ZNF684: variants seen among roughly 807,000 people sequenced by gnomAD.
ZNF684 encodes the protein zinc finger protein 684, also known as hypothetical protein MGC27466.
In ZNF684, 13 loss-of-function variants were observed where a neutral mutation model predicts 12.8. The observed-to-expected ratio is 1.02, with a 90% CI of 0.66 to 1.62. The LOEUF is 1.62. Ranked by LOEUF, ZNF684 falls within the 40% of genes most tolerant of loss-of-function variation. The probability of loss-of-function intolerance (pLI) is 0.00; values close to 1 mark genes in which losing one functional copy is unlikely to be tolerated. For missense variants in ZNF684, 384 were observed against 446.9 expected (o/e 0.86, Z 1.27); for synonymous variants, 118 against 151.8 (o/e 0.78, Z 1.64).
chr1:40,547,449 A>G lies in ZNF684; in HGVS notation c.1126A>G (p.Ile376Val). 1 of 1,599,818 alleles carries G rather than the reference A, an allele frequency of 6.3e-7. No individual in the cohort carries two copies. The highest frequency in any genetic ancestry group is 8.5e-7 in the Non-Finnish European group (1 of 1,171,908). The change falls in exon 5 of 5, where the codon ATT (isoleucine) becomes GTT (valine). Residue 376 changes from isoleucine to valine, a missense_variant. Coordinates refer to ENST00000372699, the MANE Select transcript of ZNF684 (RefSeq NM_152373.4). ...GTCAAATCTTATTGTACATCAGAAA[A>G]TTCATACATAATATTCACTTTATGA... is the stretch of plus-strand genomic sequence containing the variant. ...QKSNLIVHQK[I>V]HT
chr1:40,542,556 A>G (rs1052035364), intron 4 of ZNF684, among the ~76,000 whole-genome samples: 1 of 152,164 alleles, frequency 6.6e-6, no homozygotes, highest in Non-Finnish European at 1.5e-5. Context: ...TCTCTCTACA[A>G]TAACTCCCTC....
rs1275461816 is a variant in ZNF684, at chr1:40,547,011, C to A, written c.688C>A (p.Leu230Ile). 3 of 1,614,022 alleles carry A rather than the reference C, an allele frequency of 1.9e-6. No homozygotes were observed. In the Admixed American group the frequency reaches 5.0e-5, roughly 27 times the overall value. Reference protein sequence around the residue: ...CGKAFMHKAQLVVHQRLHTGE... With the variant: ...CGKAFMHKAQIVVHQRLHTGE... The stretch of plus-strand genomic sequence containing the variant: ...GAAGGCGTTTATGCATAAAGCCCAA[C>A]TCGTGGTCCACCAGAGACTTCACAC... Residue 230 changes from leucine to isoleucine, a missense_variant, in exon 5 of 5, where the codon CTC becomes ATC. Leu to Ile is a conservative substitution (Grantham distance 5). Transcript: ENST00000372699.
chr1:40,537,907 A>T (rs187274985), intron 2 of ZNF684, among the ~76,000 whole-genome samples: 3 of 152,206 alleles, frequency 2.0e-5, no homozygotes, highest in African/African-American at 7.2e-5. Flanking sequence ...CCCTAGCACT[A>T]ATCTACTTTC....
At chr1:40,541,736 C>T in intron 4 of ZNF684, 26 bp downstream of exon 4, 1 of 1,584,466 alleles carries the variant, frequency 6.3e-7, no homozygotes, top group Non-Finnish European at 8.7e-7. Context: ...TCAGATGGGG[C>T]TGTGTGGAGT....
At chr1:40,545,252 T>A (rs1314636621) in intron 4 of ZNF684, among the ~76,000 whole-genome samples, 2 of 152,172 alleles carry the variant, frequency 1.3e-5, no homozygotes, top group Non-Finnish European at 2.9e-5. Context: ...AGAAAGAGGC[T>A]TGGAGTATTG....
intron 2 of ZNF684, among the ~76,000 whole-genome samples, chr1:40,537,156 C>T (rs1441595345): frequency 6.6e-6 from 1 of 152,270 alleles, no homozygotes; most frequent in South Asian, 2.1e-4. Context: ...CCCATTTCTC[C>T]ACATCCTCTC....
intron 2 of ZNF684, among the ~76,000 whole-genome samples, chr1:40,536,823 T>C (rs1225436558): frequency 6.6e-6 from 1 of 151,080 alleles, no homozygotes; most frequent in Non-Finnish European, 1.5e-5. Flanking sequence ...TTCATCCATG[T>C]CCCTACAAAG....
intron 2 of ZNF684, among the ~76,000 whole-genome samples, chr1:40,536,649 G>A (rs1645987098): frequency 7.2e-6 from 1 of 138,080 alleles, no homozygotes; most frequent in Admixed American, 7.2e-5. Flanking sequence ...ATCTCCCAAT[G>A]CTATCCCTCC....
intron 1 of ZNF684, among the ~76,000 whole-genome samples, 174 bp downstream of exon 1, chr1:40,531,961 C>T (rs559494775): frequency 2.6e-5 from 4 of 152,326 alleles, no homozygotes; most frequent in African/African-American, 9.6e-5. Flanking sequence ...CCGACTGGCA[C>T]TGGGTAGATG....
chr1:40,541,030 C>CAAAAAAA (rs57200329), intron 3 of ZNF684, among the ~76,000 whole-genome samples: 1 of 79,402 alleles, frequency 1.3e-5, no homozygotes, highest in South Asian at 4.5e-4. Flanking sequence ...GACCCTATCT[C>CAAAAAAA]AAAAAAAAAA....
At chr1:40,546,210 C>G (rs1646046761) in intron 4 of ZNF684, among the ~76,000 whole-genome samples, 1 of 152,196 alleles carries the variant, frequency 6.6e-6, no homozygotes, top group Admixed American at 6.5e-5. Flanking sequence ...CGTGAGCCGC[C>G]ATGCCTGGCC....
chr1:40,537,665 C>T (rs1347634565), intron 2 of ZNF684, among the ~76,000 whole-genome samples: 2 of 152,024 alleles, frequency 1.3e-5, no homozygotes, highest in Non-Finnish European at 2.9e-5. Context: ...ATCACTTGAA[C>T]CTGAGAGACA....
At chr1:40,541,030 CAAA>C (rs57200329) in intron 3 of ZNF684, among the ~76,000 whole-genome samples, 8 of 79,394 alleles carry the variant, frequency 1.0e-4, no homozygotes, top group Admixed American at 4.0e-4. Context: ...GACCCTATCT[CAAA>C]AAAAAAAAAA....
intron 2 of ZNF684, among the ~76,000 whole-genome samples, chr1:40,535,371 TA>T (rs1220985071): frequency 1.1e-4 from 17 of 152,190 alleles, no homozygotes; most frequent in Non-Finnish European, 1.0e-4. Context: ...AAGAATACTG[TA>T]TTTTTTTTTA....
chr1:40,536,859 C>A (rs868242821), intron 2 of ZNF684, among the ~76,000 whole-genome samples: 1 of 150,100 alleles, frequency 6.7e-6, no homozygotes, highest in Non-Finnish European at 1.5e-5. Flanking sequence ...TTTTTTATGG[C>A]TGCATAGTAT....
rs746627103 is a variant in ZNF684, at chr1:40,547,431, C to A, written c.1108C>A (p.Leu370Ile). The A allele has an allele frequency of 8.7e-6, 14 of 1,605,674 alleles. 1 individual carries two copies. The highest frequency in any genetic ancestry group is 3.3e-4 in the Middle Eastern group (2 of 6,028). Residue 370 changes from leucine to isoleucine, a missense_variant, in exon 5 of 5, where the codon CTT becomes ATT. Leu to Ile is a conservative substitution (Grantham distance 5, BLOSUM62 2). Coordinates refer to ENST00000372699, the MANE Select transcript of ZNF684 (RefSeq NM_152373.4). Reference protein sequence around the residue: ...CGKAFSQKSNLIVHQKIHT With the variant: ...CGKAFSQKSNIIVHQKIHT ...GAAAGCATTTTCCCAGAAGTCAAAT[C>A]TTATTGTACATCAGAAAATTCATAC...
chr1:40,542,773 A>T lies in ZNF684; in HGVS notation c.238+1063A>T, dbSNP rs57224913. Reference sequence around the variant, plus strand: ...TGCTTTGCAGTCTCAAAACCACTGCATTAAGCAATTTGATTTTTTTCCTGT... The same window carrying T: ...TGCTTTGCAGTCTCAAAACCACTGCTTTAAGCAATTTGATTTTTTTCCTGT... On this transcript the variant is annotated intron_variant, in intron 4 of 4. Coordinates refer to ENST00000372699, the MANE Select transcript of ZNF684 (RefSeq NM_152373.4). 3.3e-3 allele frequency among the ~76,000 whole-genome samples: 498 copies of T among 152,326 alleles called. 13 individuals are homozygous for T. The East Asian group carries it at 0.071, about 22-fold the overall frequency.
Position 40,531,648 on chromosome 1 carries a change from AG to A in ZNF684, c.-162del, listed in dbSNP as rs1239550939. ...ACAGTTACTTCCGCACACGCGTAGT[AG>A]GACGGTAGCCGGTATTCAATCTTCA... On this transcript the variant is annotated 5_prime_UTR_variant, in exon 1 of 5. Transcript: ENST00000372699. 6.6e-6 allele frequency: 1 copy of A among 152,278 alleles called. No homozygotes were observed. Among genetic ancestry groups the A allele is most frequent in the African/African-American group, 2.4e-5 (1 of 41,454 alleles). 9.4% of individuals were successfully genotyped at this position (152,278 alleles called of 1,614,324 possible). A position where few individuals can be genotyped will look rare whatever the true frequency, so the allele number is the denominator to read the frequency against.
rs1646058821 is a variant in ZNF684, at chr1:40,547,943, T to C, written c.*483T>C. ...TATTTTCATCCATTTGCTGGCACTT[T>C]TAATGGGCATGACAGTGTTTCTGAA... On this transcript the variant is annotated 3_prime_UTR_variant, in exon 5 of 5. Coordinates refer to ENST00000372699, the MANE Select transcript of ZNF684 (RefSeq NM_152373.4). 6.5e-6 allele frequency: 1 copy of C among 152,740 alleles called. No individual in the cohort carries two copies. The highest frequency in any genetic ancestry group is 6.5e-5 in the Admixed American group (1 of 15,328). The allele number at this position is 152,740 out of a possible 1,614,324, so 9.5% of individuals were successfully genotyped here. A position where few individuals can be genotyped will look rare whatever the true frequency, so the allele number is the denominator to read the frequency against.
Sources: gnomAD v4.1 joint callset for allele counts (sites outside exome capture counted in the v4.1 genomes callset) on GRCh38, gnomAD v4.1.1 for gene constraint, MANE v1.5 for transcripts, NCBI Gene and HGNC (gene_info 2026-07-23, HGNC 2026-07-21) for gene names.